Variants in CACNA1E observed in about 807,000 individuals in gnomAD.
CACNA1E encodes the protein voltage-dependent R-type calcium channel subunit alpha-1E.
A neutral mutation model predicts 259.2 loss-of-function variants in CACNA1E; 40 were observed. The observed-to-expected ratio is 0.15, with a 90% CI of 0.12 to 0.20. The LOEUF is 0.20. Ranked by LOEUF, CACNA1E falls within the 10% of genes least tolerant of loss-of-function variation. CACNA1E has a pLI of 1.00. For synonymous variants in CACNA1E, 1,104 were observed against 1,138.5 expected (o/e 0.97, Z 0.61); for missense variants, 1,874 against 3,040.1 (o/e 0.62, Z 9.02).
intron 6 of CACNA1E, among the ~76,000 whole-genome samples, chr1:181,595,634 G>A (rs1222012439): frequency 6.6e-6 from 1 of 152,180 alleles, no homozygotes; most frequent in Non-Finnish European, 1.5e-5. Context: ...CAGGGATCAT[G>A]CCACCTGCCC....
intron 3 of CACNA1E, among the ~76,000 whole-genome samples, chr1:181,557,002 G>A (rs1648797412): frequency 6.6e-6 from 1 of 152,214 alleles, no homozygotes; most frequent in Non-Finnish European, 1.5e-5. Flanking sequence ...ATCGTGCAGT[G>A]TGGGAAAGGG....
chr1:181,407,948 T>C (rs575054623), intron 1 of CACNA1E, among the ~76,000 whole-genome samples: 1 of 152,218 alleles, frequency 6.6e-6, no homozygotes, highest in Non-Finnish European at 1.5e-5. Flanking sequence ...AATTAGGACA[T>C]CTTTACCCTC....
intron 1 of CACNA1E, among the ~76,000 whole-genome samples, chr1:181,506,722 G>A (rs1285145385): frequency 2.0e-5 from 3 of 152,198 alleles, no homozygotes; most frequent in Admixed American, 6.5e-5. Context: ...CATTGCATGT[G>A]GTGGCAGAAG....
At chr1:181,371,797 T>G (rs1013763818) in intron 1 of CACNA1E, among the ~76,000 whole-genome samples, 8 of 152,266 alleles carry the variant, frequency 5.3e-5, no homozygotes, top group African/African-American at 1.9e-4. Flanking sequence ...TTCAATCTTC[T>G]GCATATGGCT....
chr1:181,461,350 G>T (rs1264085940), intron 2 of CACNA1E, among the ~76,000 whole-genome samples: 1 of 151,212 alleles, frequency 6.6e-6, no homozygotes, highest in Non-Finnish European at 1.5e-5. Flanking sequence ...GACCATCCTG[G>T]CTAACACGGT....
At chr1:181,511,945 C>T (rs1347226109) in intron 3 of CACNA1E, among the ~76,000 whole-genome samples, 1 of 152,210 alleles carries the variant, frequency 6.6e-6, no homozygotes, top group African/African-American at 2.4e-5. Flanking sequence ...TGGAGAAGAC[C>T]TCAGCCATAT....
rs1420822710 is a variant in CACNA1E, at chr1:181,804,940, C to G, written c.*6106C>G. On this transcript the variant is annotated 3_prime_UTR_variant, in exon 48 of 48. Transcript: ENST00000367573. ...CTCTCTAATTAAAAAAAAAAAAAAC[C>G]TAGGCTTTTTTTTTTCTATCCAGAA... 3 of 148,966 alleles carry G rather than the reference C, an allele frequency of 2.0e-5. No individual in the cohort carries two copies. In the East Asian group the frequency reaches 5.9e-4, roughly 29 times the overall value. 9.2% of individuals were successfully genotyped at this position (148,966 alleles called of 1,614,324 possible).
At chr1:181,631,546 T>C (rs1462742852) in intron 6 of CACNA1E, among the ~76,000 whole-genome samples, 1 of 152,090 alleles carries the variant, frequency 6.6e-6, no homozygotes, top group Admixed American at 6.5e-5. Context: ...CTGGAGTGTG[T>C]TCAGGATTCC....
chr1:181,393,373 G>A (rs1298543012), intron 1 of CACNA1E, among the ~76,000 whole-genome samples: 1 of 152,192 alleles, frequency 6.6e-6, no homozygotes, highest in Non-Finnish European at 1.5e-5. Context: ...AAGCTGACAG[G>A]ACATTAGTTA....
intron 3 of CACNA1E, among the ~76,000 whole-genome samples, chr1:181,555,863 T>G (rs1436151232): frequency 6.6e-6 from 1 of 152,240 alleles, no homozygotes; most frequent in Admixed American, 6.5e-5. Flanking sequence ...CCTGCTAGTC[T>G]GAAAGGCATG....
At chr1:181,730,210 T>A (rs1655336363) in intron 18 of CACNA1E, among the ~76,000 whole-genome samples, 1 of 152,188 alleles carries the variant, frequency 6.6e-6, no homozygotes, top group Admixed American at 6.5e-5. Flanking sequence ...ATGTTCTCCG[T>A]GGGTGGGCAT....
intron 1 of CACNA1E, among the ~76,000 whole-genome samples, chr1:181,396,459 G>A (rs563714202): frequency 2.0e-5 from 3 of 152,346 alleles, no homozygotes; most frequent in Non-Finnish European, 4.4e-5. Context: ...GGGGAGAAAA[G>A]TTTGATCAAA....
chr1:181,410,230 G>A (rs1189715953), intron 1 of CACNA1E, among the ~76,000 whole-genome samples: 2 of 152,172 alleles, frequency 1.3e-5, no homozygotes, highest in African/African-American at 4.8e-5. Flanking sequence ...GAATGACAAC[G>A]TGAGGAACGT....
At chr1:181,639,249 G>A (rs1420089800) in intron 6 of CACNA1E, among the ~76,000 whole-genome samples, 2 of 152,032 alleles carry the variant, frequency 1.3e-5, no homozygotes, top group East Asian at 1.9e-4. Context: ...CACCATGCCC[G>A]GCTAATTTTT....
rs200730163 is a variant in CACNA1E, at chr1:181,732,800, T to C, written c.2714T>C (p.Val905Ala). The change falls in exon 20 of 48, where the codon GTG (valine) becomes GCG (alanine). Residue 905 changes from valine to alanine, a missense_variant. Physicochemically the swap from Val to Ala is moderately conservative, Grantham distance 64. Around this residue, in one of 14 missense-constraint regions of CACNA1E, gnomAD observed 476 missense variants for 514.0 expected, o/e 0.93. Transcript: ENST00000367573. This position sits in a 1 kb window ranked among gnomAD's most constrained non-coding sequence, Gnocchi z 5.5. ...CAGGAGGCAGGGGGAGGAGAGGCTG[T>C]GGTGACCTTTGAGGACCGGGCCAGG... ...TQQEAGGGEAVVTFEDRARHR... is the reference protein window; with the variant it reads ...TQQEAGGGEAAVTFEDRARHR... The C allele has an allele frequency of 1.2e-6, 2 of 1,604,770 alleles. No individual in the cohort carries two copies. Among genetic ancestry groups the C allele is most frequent in the Non-Finnish European group, 1.7e-6 (2 of 1,174,922 alleles).
intron 6 of CACNA1E, 48 bp downstream of exon 6, chr1:181,580,824 A>G: frequency 6.4e-7 from 1 of 1,570,668 alleles, no homozygotes; most frequent in Admixed American, 1.7e-5. Context: ...AGAACCCTGG[A>G]TGGAGGCTTC....
intron 2 of CACNA1E, among the ~76,000 whole-genome samples, chr1:181,418,126 A>G (rs1242612548): frequency 6.6e-6 from 1 of 151,938 alleles, no homozygotes; most frequent in Non-Finnish European, 1.5e-5. Flanking sequence ...ACATTTGATC[A>G]CTTCCTCTTT....
chr1:181,781,649 C>T (rs902072985), intron 39 of CACNA1E, 126 bp downstream of exon 39: 2 of 668,268 alleles, frequency 3.0e-6, no homozygotes, highest in Non-Finnish European at 5.4e-6. Flanking sequence ...GGAGGAAAGG[C>T]ACGATGAGAC....
chr1:181,491,704 T>C (rs1664329782), intron 1 of CACNA1E, among the ~76,000 whole-genome samples: 1 of 152,202 alleles, frequency 6.6e-6, no homozygotes, highest in Non-Finnish European at 1.5e-5. Context: ...GCAAAATATA[T>C]GTCATTATCA....
Sources: gnomAD v4.1 joint callset for allele counts (sites outside exome capture counted in the v4.1 genomes callset) on GRCh38, gnomAD v4.1.1 for gene constraint, gnomAD v4.1.1 regional missense constraint, Gnocchi (gnomAD v3.1) non-coding constraint, MANE v1.5 for transcripts, NCBI Gene and HGNC (gene_info 2026-07-23, HGNC 2026-07-21) for gene names.